MB21D2: variants seen among roughly 807,000 people sequenced by gnomAD.
MB21D2 encodes the protein Mab-21 domain containing 2.
In MB21D2, 9 loss-of-function variants were observed where a neutral mutation model predicts 33.3. The observed-to-expected ratio is 0.27, with a 90% CI of 0.16 to 0.47. The LOEUF (loss-of-function observed/expected upper bound fraction) is 0.47. Ranked by LOEUF, MB21D2 falls within the 20% of genes least tolerant of loss-of-function variation. MB21D2 has a pLI of 0.99. For synonymous variants in MB21D2, 241 were observed against 236.3 expected (o/e 1.02, Z -0.18); for missense variants, 540 against 624.6 (o/e 0.86, Z 1.44).
intron 1 of MB21D2, among the ~76,000 whole-genome samples, chr3:192,801,997 A>G (rs1014866273): frequency 2.6e-5 from 4 of 152,208 alleles, no homozygotes; most frequent in Non-Finnish European, 5.9e-5. Context: ...AAGAACATCC[A>G]ACAAACCTGA....
chr3:192,909,210 C>A (rs540898709), intron 1 of MB21D2, among the ~76,000 whole-genome samples: 1 of 150,486 alleles, frequency 6.6e-6, no homozygotes, highest in Admixed American at 6.6e-5. Context: ...GAGCCGAGAT[C>A]GCACCACTGC....
chr3:192,848,088 C>T (rs1712712116), intron 1 of MB21D2, among the ~76,000 whole-genome samples: 1 of 152,204 alleles, frequency 6.6e-6, no homozygotes, highest in South Asian at 2.1e-4. Context: ...CCCGGCATTA[C>T]ACACATATTT....
intron 1 of MB21D2, among the ~76,000 whole-genome samples, chr3:192,826,078 G>C (rs1712167738): frequency 6.6e-6 from 1 of 152,138 alleles, no homozygotes; most frequent in African/African-American, 2.4e-5. Context: ...AGTTTTTCTG[G>C]TCCTCAGGCT....
intron 1 of MB21D2, among the ~76,000 whole-genome samples, chr3:192,904,869 A>G (rs1156419304): frequency 6.6e-6 from 1 of 152,174 alleles, no homozygotes; most frequent in Non-Finnish European, 1.5e-5. Context: ...CATCTTCCTT[A>G]CCGTCCAGTC....
chr3:192,884,516 G>C (rs1003197587), intron 1 of MB21D2, among the ~76,000 whole-genome samples: 5 of 139,006 alleles, frequency 3.6e-5, no homozygotes, highest in East Asian at 4.5e-4. Flanking sequence ...ACAGGCGCCC[G>C]CCACCACGCC....
chr3:192,834,331 A>C lies in MB21D2; in HGVS notation c.212-34681T>G, dbSNP rs1428056860. Among the ~76,000 whole-genome samples, 55 of 151,064 alleles carry C rather than the reference A, an allele frequency of 3.6e-4. 1 individual carries two copies. The highest frequency in any genetic ancestry group is 1.2e-3 in the African/African-American group (50 of 41,054). On this transcript the variant is annotated intron_variant, in intron 1 of 1. Coordinates refer to ENST00000392452, the MANE Select transcript of MB21D2 (RefSeq NM_178496.4). ...GACTGCATCTCAAAAAAAAAAAACC[A>C]AACAAAACAAAACAAACAAAAAAAC...
chr3:192,799,151 A>G lies in MB21D2; in HGVS notation c.711T>C (p.Pro237=), dbSNP rs1368713190. 1.2e-6 allele frequency: 2 copies of G among 1,614,102 alleles called. No homozygotes were observed. Among genetic ancestry groups the G allele is most frequent in the African/African-American group, 2.7e-5 (2 of 74,940 alleles). ...CAGGCCAACCTTTGAAAGATACCAC[A>G]GGGACAATATCATACAACATGCGAC... The part of the protein sequence containing the change: ...GSSRMLYDIV[P]VVSFKGWPAV... The change falls in exon 2 of 2, where the codon CCT becomes CCC. Residue 237 remains proline, a synonymous_variant. Transcript: ENST00000392452. The surrounding 1 kb of genome is among the most constrained non-coding windows in gnomAD (Gnocchi z 4.1).
intron 1 of MB21D2, among the ~76,000 whole-genome samples, chr3:192,806,710 A>G (rs1711668885): frequency 1.3e-5 from 2 of 152,192 alleles, no homozygotes; most frequent in Non-Finnish European, 2.9e-5. Context: ...TTTGCCCTAC[A>G]ATATAATATG....
At chr3:192,851,037 A>G (rs1180311711) in intron 1 of MB21D2, among the ~76,000 whole-genome samples, 1 of 152,216 alleles carries the variant, frequency 6.6e-6, no homozygotes, top group Non-Finnish European at 1.5e-5. Flanking sequence ...CAATATGGCA[A>G]TAGTAATTGC....
At chr3:192,816,117 C>T (rs372843405) in intron 1 of MB21D2, among the ~76,000 whole-genome samples, 1 of 151,874 alleles carries the variant, frequency 6.6e-6, no homozygotes, top group Non-Finnish European at 1.5e-5. Flanking sequence ...TGAGAGACGA[C>T]GACAGATTAA....
intron 1 of MB21D2, among the ~76,000 whole-genome samples, chr3:192,905,863 A>T (rs1178775538): frequency 1.3e-5 from 2 of 152,046 alleles, no homozygotes; most frequent in Non-Finnish European, 2.9e-5. Context: ...AAAGGAAAAG[A>T]AAAGTATTGT....
At chr3:192,884,426 G>C (rs1314267831) in intron 1 of MB21D2, among the ~76,000 whole-genome samples, 1 of 151,802 alleles carries the variant, frequency 6.6e-6, no homozygotes, top group Non-Finnish European at 1.5e-5. Context: ...GAGTGCAGTG[G>C]CGCGATCTAG....
intron 1 of MB21D2, among the ~76,000 whole-genome samples, chr3:192,887,689 A>G (rs1560251212): frequency 6.6e-6 from 1 of 152,148 alleles, no homozygotes; most frequent in Admixed American, 6.5e-5. Context: ...GCTTAGCCCA[A>G]CAAAAAATAT....
At chr3:192,838,679 C>T (rs1024440702) in intron 1 of MB21D2, among the ~76,000 whole-genome samples, 2 of 152,132 alleles carry the variant, frequency 1.3e-5, no homozygotes, top group Non-Finnish European at 2.9e-5. Flanking sequence ...CTGCCCACCT[C>T]GGCCTCCCAA....
At chr3:192,867,990 G>A (rs1560244205) in intron 1 of MB21D2, among the ~76,000 whole-genome samples, 2 of 152,116 alleles carry the variant, frequency 1.3e-5, no homozygotes, top group Non-Finnish European at 2.9e-5. Flanking sequence ...GGTCAGTGAG[G>A]TCCAGAAATC....
chr3:192,877,509 C>T (rs1713457219), intron 1 of MB21D2, among the ~76,000 whole-genome samples: 1 of 152,136 alleles, frequency 6.6e-6, no homozygotes, highest in Non-Finnish European at 1.5e-5. Flanking sequence ...TGAGCTCTGC[C>T]CATCGCGTAT....
intron 1 of MB21D2, among the ~76,000 whole-genome samples, chr3:192,811,192 G>T (rs976702937): frequency 2.0e-5 from 3 of 152,198 alleles, no homozygotes; most frequent in African/African-American, 4.8e-5. Flanking sequence ...TTCTACATTG[G>T]GTTCTATACA....
intron 1 of MB21D2, among the ~76,000 whole-genome samples, chr3:192,903,654 C>T (rs905986669): frequency 3.9e-5 from 6 of 152,140 alleles, no homozygotes; most frequent in African/African-American, 1.4e-4. Flanking sequence ...ATTTGCTCTC[C>T]CAACAACCGG....
At chr3:192,809,992 T>G (rs1711751393) in intron 1 of MB21D2, among the ~76,000 whole-genome samples, 1 of 152,206 alleles carries the variant, frequency 6.6e-6, no homozygotes, top group Non-Finnish European at 1.5e-5. Flanking sequence ...AGAGCCTTAA[T>G]TTGAAGGTCA....
Sources: allele counts gnomAD v4.1 joint callset (sites outside exome capture counted in the v4.1 genomes callset), GRCh38; gene constraint gnomAD v4.1.1; non-coding constraint Gnocchi (gnomAD v3.1); transcripts MANE v1.5; gene names NCBI Gene and HGNC (gene_info 2026-07-23, HGNC 2026-07-21).